The following COL10A1 variants were observed in gnomAD, a reference collection of about 807,000 sequenced individuals.
The protein encoded by COL10A1 is collagen type X alpha 1 chain.
A neutral mutation model predicts 18.2 loss-of-function variants in COL10A1; 10 were observed. The ratio of observed to expected loss-of-function variants is 0.55; its 90% CI spans 0.34 to 0.93. COL10A1 has a LOEUF of 0.93. Ranked by LOEUF, COL10A1 falls within the 40% of genes least tolerant of loss-of-function variation. The pLI is 0.02. For missense variants in COL10A1, 897 were observed against 853.5 expected, an observed-to-expected ratio of 1.05 and a Z score of -0.64; for synonymous variants, 330 against 316.6, an observed-to-expected ratio of 1.04 and a Z score of -0.45.
chr6:116,205,484 T>TTTA, the COL10A1 span, among the ~76,000 whole-genome samples: 1 of 151,718 alleles, frequency 6.6e-6, no homozygotes, highest in Non-Finnish European at 1.5e-5. Flanking sequence ...GGAACTTAAC[T>TTTA]GAGTCAGCAG....
At chr6:116,129,598 A>C (rs988082697), upstream of COL10A1, among the ~76,000 whole-genome samples, 1 of 152,278 alleles carries the variant, frequency 6.6e-6, no homozygotes, top group Non-Finnish European at 1.5e-5. Context: ...GCGATACTAC[A>C]GCATGAACGC....
intron 1 of COL10A1, among the ~76,000 whole-genome samples, chr6:116,132,823 C>T (rs1347547148): frequency 2.0e-5 from 3 of 152,088 alleles, no homozygotes; most frequent in Non-Finnish European, 2.9e-5. Flanking sequence ...TTAGTCAGGG[C>T]ACCTTCCACC....
chr6:116,159,056 A>T, upstream of COL10A1, among the ~76,000 whole-genome samples: 1 of 152,228 alleles, frequency 6.6e-6, no homozygotes, highest in East Asian at 1.9e-4. Flanking sequence ...AATGATATGT[A>T]CATTTTATTA....
the COL10A1 span, among the ~76,000 whole-genome samples, chr6:116,180,427 T>C: frequency 2.0e-5 from 3 of 152,070 alleles, no homozygotes; most frequent in Non-Finnish European, 4.4e-5. Flanking sequence ...CACTTTATAA[T>C]CCCTAATGAA....
chr6:116,187,422 A>G, the COL10A1 span, among the ~76,000 whole-genome samples: 1 of 152,128 alleles, frequency 6.6e-6, no homozygotes, highest in Non-Finnish European at 1.5e-5. Flanking sequence ...CATGAAGAAC[A>G]GGGCAAGAGG....
At chr6:116,193,899 A>G in the COL10A1 span, among the ~76,000 whole-genome samples, 723 of 152,046 alleles carry the variant, frequency 4.8e-3, 7 homozygotes, top group African/African-American at 0.016. Context: ...GGCAAAAAAT[A>G]CAAAAAATAC....
At chr6:116,156,330 A>T (rs12210252) in intron 1 of COL10A1, among the ~76,000 whole-genome samples, 1 of 152,066 alleles carries the variant, frequency 6.6e-6, no homozygotes, top group Non-Finnish European at 1.5e-5. Flanking sequence ...TTTAGGTTGT[A>T]GATCTCATTC....
chr6:116,202,364 G>A, the COL10A1 span, among the ~76,000 whole-genome samples: 1 of 151,944 alleles, frequency 6.6e-6, no homozygotes, highest in Non-Finnish European at 1.5e-5. Context: ...ATCTAAAGCT[G>A]TAAGTTCTTA....
At chr6:116,125,821 A>T (rs759156475) in intron 1 of COL10A1, 14 of 231,242 alleles carry the variant, frequency 6.1e-5, no homozygotes, top group Non-Finnish European at 1.0e-4. Context: ...AATATCTAAT[A>T]GTTTCAAAAT....
At chr6:116,209,711 G>A in the COL10A1 span, among the ~76,000 whole-genome samples, 1 of 151,846 alleles carries the variant, frequency 6.6e-6, no homozygotes, top group Non-Finnish European at 1.5e-5. Flanking sequence ...TCCTATCTCA[G>A]TGGAAGGTCT....
At chr6:116,162,897 G>T (rs1330824933), upstream of COL10A1, among the ~76,000 whole-genome samples, 1 of 151,956 alleles carries the variant, frequency 6.6e-6, no homozygotes, top group Non-Finnish European at 1.5e-5. Flanking sequence ...GGAGGCCAAG[G>T]CGGGCAGATC....
chr6:116,140,120 C>T (rs375550767), intron 1 of COL10A1, among the ~76,000 whole-genome samples: 30 of 152,260 alleles, frequency 2.0e-4, no homozygotes, highest in African/African-American at 7.0e-4. Context: ...TGAATGCCGC[C>T]CTCCTATGGA....
At chr6:116,181,638 A>T in the COL10A1 span, among the ~76,000 whole-genome samples, 1 of 152,094 alleles carries the variant, frequency 6.6e-6, no homozygotes, top group East Asian at 1.9e-4. Context: ...GTATATCCAG[A>T]TCCCAACACA....
the COL10A1 span, among the ~76,000 whole-genome samples, chr6:116,194,476 G>C: frequency 6.6e-6 from 1 of 151,998 alleles, no homozygotes; most frequent in African/African-American, 2.4e-5. Context: ...TTGGTGAGAA[G>C]GGGAGAATCA....
the COL10A1 span, among the ~76,000 whole-genome samples, chr6:116,164,908 C>A: frequency 6.6e-6 from 1 of 151,718 alleles, no homozygotes; most frequent in Admixed American, 6.6e-5. Flanking sequence ...ATGGTGAAAC[C>A]CCGTCTCTAC....
At chr6:116,146,318 G>A (rs1040344958) in intron 1 of COL10A1, among the ~76,000 whole-genome samples, 10 of 152,150 alleles carry the variant, frequency 6.6e-5, no homozygotes, top group East Asian at 1.9e-4. Flanking sequence ...AGTAGGTGGC[G>A]TCAACCTGTG....
At chr6:116,194,392 G>A in the COL10A1 span, among the ~76,000 whole-genome samples, 3 of 151,960 alleles carry the variant, frequency 2.0e-5, no homozygotes, top group Non-Finnish European at 4.4e-5. Context: ...TAGAAACAAA[G>A]CCTAGAAAGG....
chr6:116,211,654 G>C, the COL10A1 span, among the ~76,000 whole-genome samples: 1 of 152,016 alleles, frequency 6.6e-6, no homozygotes, highest in African/African-American at 2.4e-5. Context: ...TAGAGTCCAC[G>C]AAGTATATTT....
At chr6:116,156,306 T>TA (rs969230860) in intron 1 of COL10A1, among the ~76,000 whole-genome samples, 13 of 152,112 alleles carry the variant, frequency 8.5e-5, no homozygotes, top group Admixed American at 3.9e-4. Context: ...TTTTTGGAGT[T>TA]AAAAAAAATT....
Sources: gnomAD v4.1 joint callset for allele counts (sites outside exome capture counted in the v4.1 genomes callset) on GRCh38, gnomAD v4.1.1 for gene constraint, MANE v1.5 for transcripts, NCBI Gene and HGNC (gene_info 2026-07-23, HGNC 2026-07-21) for gene names.